Variants in KLHL14 observed in about 807,000 individuals in gnomAD.
The protein encoded by KLHL14 is kelch-like protein 14.
In KLHL14, 22 loss-of-function variants were observed where a neutral mutation model predicts 64.3. The ratio of observed to expected loss-of-function variants is 0.34; its 90% CI spans 0.24 to 0.49. KLHL14 has a LOEUF of 0.49. Among genes scored for constraint, KLHL14 ranks in the 20% least tolerant of loss-of-function variants. The pLI is 0.99. For synonymous variants in KLHL14, 322 were observed against 333.4 expected (o/e 0.97, Z 0.37); for missense variants, 661 against 789.0 (o/e 0.84, Z 1.94).
chr18:32,726,733 G>A (rs2050110194), intron 3 of KLHL14, among the ~76,000 whole-genome samples: 1 of 152,036 alleles, frequency 6.6e-6, no homozygotes, highest in Non-Finnish European at 1.5e-5. Flanking sequence ...TTATATTAAT[G>A]CTTCTGCATT....
chr18:32,700,135 G>A (rs1449318969), intron 3 of KLHL14, among the ~76,000 whole-genome samples: 1 of 152,094 alleles, frequency 6.6e-6, no homozygotes, highest in African/African-American at 2.4e-5. Flanking sequence ...CCAGCAGAAA[G>A]TATACGTATC....
At chr18:32,704,764 C>T (rs574178670) in intron 3 of KLHL14, among the ~76,000 whole-genome samples, 7 of 152,152 alleles carry the variant, frequency 4.6e-5, no homozygotes, top group Middle Eastern at 3.4e-3. Context: ...TCATTTCATT[C>T]AAAAATATGT....
rs1568065309 is a variant in KLHL14 at position 32,689,259 on chromosome 18, G to A, written c.1160-2026C>T. On this transcript the variant is annotated intron_variant, in intron 4 of 8. Coordinates refer to ENST00000359358, the MANE Select transcript of KLHL14 (RefSeq NM_020805.3). The stretch of plus-strand genomic sequence containing the variant: ...AGTTATTATTTAAAAGCATAGGATT[G>A]AGTGAAATCATGTATGGAGAGTGTA... Among the ~76,000 whole-genome samples the A allele has an allele frequency of 2.0e-5, 3 of 152,154 alleles. 1 individual carries two copies. The highest frequency in any genetic ancestry group is 2.0e-4 in the Admixed American group (3 of 15,268).
At chr18:32,728,697 G>C (rs979757746) in intron 3 of KLHL14, among the ~76,000 whole-genome samples, 1 of 152,130 alleles carries the variant, frequency 6.6e-6, no homozygotes, top group African/African-American at 2.4e-5. Context: ...TCAAAAAAAG[G>C]ATGCATTTTT....
chr18:32,755,537 T>C (rs1463081677), intron 2 of KLHL14, among the ~76,000 whole-genome samples: 1 of 152,180 alleles, frequency 6.6e-6, no homozygotes, highest in Non-Finnish European at 1.5e-5. Context: ...TTTCTTTTAA[T>C]TTTGCAAAAA....
chr18:32,706,581 C>A lies in KLHL14; in HGVS notation c.1070-11029G>T, dbSNP rs373054895. On this transcript the variant is annotated intron_variant, in intron 3 of 8. Transcript: ENST00000359358. ...ATAGGCTGAGACCCTGGTGCTAAGA[C>A]AATCTAAAGATACATACCGGGTTAT... 1.2e-4 allele frequency among the ~76,000 whole-genome samples: 19 copies of A among 152,280 alleles called. No individual in the cohort carries two copies. The East Asian group carries it at 2.7e-3, about 22-fold the overall frequency.
rs778699360 is a variant in KLHL14 at position 32,687,180 on chromosome 18, T to C, written c.1213A>G (p.Ile405Val). ...CTTTCCTGCATGGGTGGAAGTTGAA[T>C]CCAGCTATTAAATCGAGGATCATAT... is the stretch of plus-strand genomic sequence containing the variant. ...SRYDPRFNSW[I>V]QLPPMQERRA... Residue 405 changes from isoleucine (I) to valine (V), a missense_variant, in exon 5 of 9, where the codon ATT becomes GTT. Coordinates refer to ENST00000359358, the MANE Select transcript of KLHL14 (RefSeq NM_020805.3). 1 of 1,613,976 alleles carries C rather than the reference T, an allele frequency of 6.2e-7. No individual in the cohort carries two copies. Among genetic ancestry groups the C allele is most frequent in the South Asian group, 1.1e-5 (1 of 91,070 alleles).
rs764383126 is a variant in KLHL14 at position 32,769,758 on chromosome 18, GA to G, written c.833del (p.Val278AlafsTer21). 1 of 1,607,910 alleles carries G rather than the reference GA, an allele frequency of 6.2e-7. No individual in the cohort carries two copies. The highest frequency in any genetic ancestry group is 1.7e-5 in the Admixed American group (1 of 59,810). ...CGGTTCGCATGAAATCCACTGACTG[GA>G]CCCGCTCCACCAGCTCCGGGGCCGG... Reference protein sequence around the residue: ...LIPAPELVERVQSVDFMRTDP... With the variant: ...LIPAPELVERXQSVDFMRTDP... On this transcript the variant is annotated frameshift_variant, in exon 2 of 9. Transcript: ENST00000359358. LOFTEE classifies it high-confidence loss of function.
intron 5 of KLHL14, 38 bp downstream of exon 5, chr18:32,687,117 C>T (rs752841890): frequency 1.2e-5 from 19 of 1,536,910 alleles, no homozygotes; most frequent in East Asian, 6.7e-5. Flanking sequence ...CCTGTAAAGC[C>T]GTCACAAACG....
Position 32,711,279 on chromosome 18 carries a change from C to T in KLHL14, c.1070-15727G>A, listed in dbSNP as rs1335769282. 4.6e-5 allele frequency among the ~76,000 whole-genome samples: 7 copies of T among 151,936 alleles called. No homozygotes were observed. The East Asian group carries it at 7.7e-4, about 17-fold the overall frequency. ...AAAAGAAAAAGACCATTAATTGGCA[C>T]GTGACAGTGGGTATATGTAGCATTT... On this transcript the variant is annotated intron_variant, in intron 3 of 8. Coordinates refer to ENST00000359358, the MANE Select transcript of KLHL14 (RefSeq NM_020805.3).
At chr18:32,732,809 G>A (rs1365606421) in intron 3 of KLHL14, among the ~76,000 whole-genome samples, 1 of 152,178 alleles carries the variant, frequency 6.6e-6, no homozygotes, top group African/African-American at 2.4e-5. Flanking sequence ...AAGGTCCAGT[G>A]GCTGATAAGG....
At chr18:32,681,258 T>C (rs1330460163) in intron 5 of KLHL14, among the ~76,000 whole-genome samples, 3 of 152,146 alleles carry the variant, frequency 2.0e-5, no homozygotes, top group African/African-American at 4.8e-5. Flanking sequence ...TTGACTATAT[T>C]ATCCCATTAT....
rs1249740939 is a variant in KLHL14 at position 32,674,709 on chromosome 18, C to A, written c.1835G>T (p.Gly612Val). Residue 612 changes from glycine (G) to valine (V), a missense_variant, in exon 9 of 9, where the codon GGC becomes GTC. Coordinates refer to ENST00000359358, the MANE Select transcript of KLHL14 (RefSeq NM_020805.3). ...LEGDVAEPLA[G>V]PACVTVILPS... ...CAGAATAACTGTCACACAGGCAGGG[C>A]CTGCCAACGGTTCTGCTACATCTCC... 2 of 780,802 alleles carry A rather than the reference C, an allele frequency of 2.6e-6. No individual in the cohort carries two copies. Among genetic ancestry groups the A allele is most frequent in the Non-Finnish European group, 4.8e-6 (2 of 418,030 alleles). The allele number at this position is 780,802 out of a possible 1,614,324, so 48.4% of individuals were successfully genotyped here.
intron 5 of KLHL14, among the ~76,000 whole-genome samples, chr18:32,684,696 G>A (rs114077176): frequency 0.016 from 1,814 of 114,232 alleles, 29 homozygotes; most frequent in African/African-American, 0.055. Flanking sequence ...GAGGGTAGGC[G>A]GGGAACTTCC....
chr18:32,679,577 A>AT (rs2049828099), intron 7 of KLHL14, among the ~76,000 whole-genome samples: 1 of 152,172 alleles, frequency 6.6e-6, no homozygotes, highest in Non-Finnish European at 1.5e-5. Context: ...TTGCAGTCGT[A>AT]TACATATCTA....
chr18:32,758,995 G>A (rs555425768), intron 2 of KLHL14, among the ~76,000 whole-genome samples: 105 of 152,240 alleles, frequency 6.9e-4, no homozygotes, highest in Non-Finnish European at 1.4e-3. Flanking sequence ...GGTTTTTGGG[G>A]GAGGGAATGA....
At position 32,674,633 on chromosome 18, in the gene KLHL14, T is replaced by C. The variant is rs750479478; in HGVS notation, c.*24A>G. On this transcript the variant is annotated 3_prime_UTR_variant, in exon 9 of 9. Transcript: ENST00000359358. Reference sequence around the variant, plus strand: ...GCCATTGCTTCCTAGAATGTGATACTGTTCATTCCAGAGTTTCCTGGTGTT... The same window carrying C: ...GCCATTGCTTCCTAGAATGTGATACCGTTCATTCCAGAGTTTCCTGGTGTT... The C allele has an allele frequency of 1.3e-6, 1 of 779,206 alleles. No individual in the cohort carries two copies. Among genetic ancestry groups the C allele is most frequent in the East Asian group, 2.4e-5 (1 of 41,212 alleles). 48.3% of individuals were successfully genotyped at this position (779,206 alleles called of 1,614,324 possible). A position where few individuals can be genotyped will look rare whatever the true frequency, so the allele number is the denominator to read the frequency against.
chr18:32,702,144 A>G (rs933939076), intron 3 of KLHL14, among the ~76,000 whole-genome samples: 5 of 152,108 alleles, frequency 3.3e-5, no homozygotes, highest in African/African-American at 7.2e-5. Context: ...GTTTTAAGGT[A>G]TTCTTTTCTA....
intron 4 of KLHL14, among the ~76,000 whole-genome samples, chr18:32,694,054 A>G (rs373687995): frequency 6.6e-6 from 1 of 152,152 alleles, no homozygotes; most frequent in African/African-American, 2.4e-5. Flanking sequence ...CTGACTTAAG[A>G]CCTTAAGTCA....
Sources: gnomAD v4.1 joint callset for allele counts (sites outside exome capture counted in the v4.1 genomes callset) on GRCh38, gnomAD v4.1.1 for gene constraint, MANE v1.5 for transcripts, NCBI Gene and HGNC (gene_info 2026-07-23, HGNC 2026-07-21) for gene names.